The following ZBTB34 variants were observed in gnomAD, a reference collection of about 807,000 sequenced individuals.
ZBTB34 encodes zinc finger and BTB domain-containing protein 34.
Under a neutral mutation model 33.4 loss-of-function variants are expected in ZBTB34, and 1 was observed. The observed-to-expected ratio is 0.03, with a 90% CI of 0.01 to 0.14. ZBTB34 has a LOEUF of 0.14. Among genes scored for constraint, ZBTB34 ranks in the 10% least tolerant of loss-of-function variants. The pLI, the probability that ZBTB34 is intolerant of heterozygous loss-of-function variation, is 1.00. For synonymous variants in ZBTB34, 283 were observed against 253.5 expected (o/e 1.12, Z -1.11); for missense variants, 406 against 657.2 (o/e 0.62, Z 4.18).
Position 126,880,001 on chromosome 9 carries a change from A to G in ZBTB34, c.602A>G (p.Glu201Gly), listed in dbSNP as rs1374230469. ...GCTTTGCGCAGCCGCTTACAGGAGG[A>G]GGGGCACTCAGACCGCGGGAGCAGT... is the stretch of plus-strand genomic sequence containing the variant. The change falls in exon 2 of 2, where the codon GAG (glutamate) becomes GGG (glycine). Residue 201 changes from glutamate (E) to glycine (G), a missense_variant. Physicochemically the swap from Glu to Gly is moderately conservative, Grantham distance 98. Around this residue, in one of 6 missense-constraint regions of ZBTB34, gnomAD observed 137 missense variants for 173.0 expected, o/e 0.79. Coordinates refer to ENST00000319119, the Ensembl canonical transcript of ZBTB34. This position sits in a 1 kb window ranked among gnomAD's most constrained non-coding sequence, Gnocchi z 6.7. 1 of 1,613,516 alleles carries G rather than the reference A, an allele frequency of 6.2e-7. No individual in the cohort carries two copies. Among genetic ancestry groups the G allele is most frequent in the African/African-American group, 1.3e-5 (1 of 75,008 alleles).
At chr9:126,864,877 G>A (rs1210491302) in intron 1 of ZBTB34, among the ~76,000 whole-genome samples, 1 of 152,110 alleles carries the variant, frequency 6.6e-6, no homozygotes, top group Non-Finnish European at 1.5e-5. Context: ...TCTTTTTAAT[G>A]ACTTTGTATG....
intron 1 of ZBTB34, among the ~76,000 whole-genome samples, chr9:126,861,166 G>T (rs879514368): frequency 1.3e-5 from 2 of 152,128 alleles, no homozygotes; most frequent in Admixed American, 6.5e-5. Context: ...CTGGAGAGCC[G>T]GCCGGGCCAG....
intron 1 of ZBTB34, among the ~76,000 whole-genome samples, chr9:126,877,509 G>T (rs903492830): frequency 5.9e-5 from 9 of 152,106 alleles, no homozygotes; most frequent in Non-Finnish European, 1.3e-4. Context: ...GTTAGATCTG[G>T]TTTTGTTATG....
intron 1 of ZBTB34, among the ~76,000 whole-genome samples, chr9:126,872,499 A>T (rs2033294030): frequency 6.6e-6 from 1 of 152,202 alleles, no homozygotes; most frequent in Non-Finnish European, 1.5e-5. Flanking sequence ...AGCTTCAAGA[A>T]ACCAGTGAGT....
At chr9:126,867,700 A>G (rs1028005238) in intron 1 of ZBTB34, among the ~76,000 whole-genome samples, 5 of 149,252 alleles carry the variant, frequency 3.4e-5, no homozygotes, top group African/African-American at 1.2e-4. Context: ...GATTTATGTC[A>G]TGCTTGGAAA....
chr9:126,875,174 G>A (rs2033339411), intron 1 of ZBTB34, among the ~76,000 whole-genome samples: 1 of 152,178 alleles, frequency 6.6e-6, no homozygotes, highest in Admixed American at 6.6e-5. Flanking sequence ...CAGAGACTTA[G>A]TGTGAAAAGA....
Position 126,880,430 on chromosome 9 carries a change from G to A in ZBTB34, c.1031G>A (p.Gly344Asp). 1 of 1,613,498 alleles carries A rather than the reference G, an allele frequency of 6.2e-7. No individual in the cohort carries two copies. The highest frequency in any genetic ancestry group is 1.3e-5 in the African/African-American group (1 of 75,066). ...AGTGACCTGCAGGGCCTGGTGCAGG[G>A]CTCTGACAGTGAAGCCATGATGAAC... Residue 344 changes from glycine (G) to aspartate (D), a missense_variant, in exon 2 of 2, where the codon GGC (glycine) becomes GAC (aspartate). Physicochemically the swap from Gly to Asp is moderately conservative, Grantham distance 94. Transcript: ENST00000319119. The surrounding 1 kb of genome is among the most constrained non-coding windows in gnomAD (Gnocchi z 6.7).
rs767634981 is a variant in ZBTB34 at position 126,880,895 on chromosome 9, T to C, written c.1496T>C (p.Val499Ala). The change falls in exon 2 of 2, where the codon GTG becomes GCG. Residue 499 changes from valine (V) to alanine (A), a missense_variant. Coordinates refer to ENST00000319119, the Ensembl canonical transcript of ZBTB34. This position sits in a 1 kb window ranked among gnomAD's most constrained non-coding sequence, Gnocchi z 6.7. Reference sequence around the variant, plus strand: ...GATTCCCGGATGGAAATTCACACAGTGTCTGATGCTCCCGATTAAGATGGT... The same window carrying C: ...GATTCCCGGATGGAAATTCACACAGCGTCTGATGCTCCCGATTAAGATGGT... The C allele has an allele frequency of 1.9e-6, 3 of 1,610,080 alleles. No homozygotes were observed. The highest frequency in any genetic ancestry group is 1.7e-6 in the Non-Finnish European group (2 of 1,177,848).
In ZBTB34 at chr9:126,880,084, T is replaced by C. The variant is rs1244838422; in HGVS notation, c.685T>C (p.Leu229=). 2 of 1,613,666 alleles carry C rather than the reference T, an allele frequency of 1.2e-6. No homozygotes were observed. Among genetic ancestry groups the C allele is most frequent in the South Asian group, 1.1e-5 (1 of 91,076 alleles). Residue 229 remains leucine, a synonymous_variant, in exon 2 of 2, where the codon TTG becomes CTG. Transcript: ENST00000319119. This position sits in a 1 kb window ranked among gnomAD's most constrained non-coding sequence, Gnocchi z 6.7. ...GGGAGACCATGAGCAAGGAGACCTA[T>C]TGGTGAGGGAGAGCCAGATCACCGA...
intron 1 of ZBTB34, among the ~76,000 whole-genome samples, chr9:126,870,799 C>T (rs1376914210): frequency 6.6e-6 from 1 of 152,070 alleles, no homozygotes; most frequent in African/African-American, 2.4e-5. Flanking sequence ...TGGTGGCTTG[C>T]ACCTGTGGCC....
chr9:126,881,425 TTTA>T (rs1322503005), exon 2 of ZBTB34: 1 of 164,088 alleles, frequency 6.1e-6, no homozygotes, highest in Non-Finnish European at 1.5e-5. Flanking sequence ...CAAATTTGAT[TTTA>T]TTCTGGTTGA....
exon 2 of ZBTB34, chr9:126,885,281 G>C (rs1465716801): frequency 6.0e-6 from 1 of 167,084 alleles, no homozygotes; most frequent in East Asian, 1.9e-4. Context: ...TCTTGATCAA[G>C]TCCTGGAGTC....
chr9:126,865,294 T>A (rs900357442), intron 1 of ZBTB34, among the ~76,000 whole-genome samples: 6 of 152,196 alleles, frequency 3.9e-5, no homozygotes, highest in African/African-American at 1.4e-4. Context: ...ACCAGCTTGT[T>A]TTAGTTGACA....
intron 1 of ZBTB34, among the ~76,000 whole-genome samples, chr9:126,869,965 A>G (rs2033256869): frequency 6.6e-6 from 1 of 152,224 alleles, no homozygotes; most frequent in Non-Finnish European, 1.5e-5. Context: ...TATAGTTTTT[A>G]TAAACAAAAA....
At chr9:126,881,635 C>A (rs1048223942) in exon 2 of ZBTB34, 1 of 166,996 alleles carries the variant, frequency 6.0e-6, no homozygotes, top group Non-Finnish European at 1.5e-5. Flanking sequence ...ATAACAAATA[C>A]ATAAACCAAA....
intron 1 of ZBTB34, among the ~76,000 whole-genome samples, chr9:126,867,508 T>G (rs184581080): frequency 1.5e-3 from 233 of 151,612 alleles, no homozygotes; most frequent in Non-Finnish European, 2.8e-3. Context: ...GGGTTTTTTT[T>G]GTGTATGTCA....
Position 126,880,832 on chromosome 9 carries a change from A to G in ZBTB34, c.1433A>G (p.Lys478Arg), listed in dbSNP as rs1372038468. The G allele has an allele frequency of 1.2e-6, 2 of 1,613,562 alleles. No individual in the cohort carries two copies. Among genetic ancestry groups the G allele is most frequent in the African/African-American group, 2.7e-5 (2 of 74,904 alleles). ...AGAACAGATGTGTACGTGGAACAGA[A>G]ACTAGAAAATGACGCATCGGCCTCA... The change falls in exon 2 of 2, where the codon AAA (lysine) becomes AGA (arginine). Residue 478 changes from lysine to arginine, a missense_variant. Transcript: ENST00000319119. The surrounding 1 kb of genome is among the most constrained non-coding windows in gnomAD (Gnocchi z 6.7).
intron 1 of ZBTB34, among the ~76,000 whole-genome samples, chr9:126,868,521 C>T (rs970267413): frequency 1.3e-5 from 2 of 152,144 alleles, no homozygotes; most frequent in African/African-American, 2.4e-5. Context: ...TCTGGTTGCC[C>T]AGCCGGCCAT....
chr9:126,869,931 G>A lies in ZBTB34; in HGVS notation c.-11+9192G>A, dbSNP rs2033256420. The stretch of plus-strand genomic sequence containing the variant: ...TATCCATGTGTATTTTTTAAAAGAA[G>A]TATCTCACATTCTTTTTCCAGAGTA... On this transcript the variant is annotated intron_variant, in intron 1 of 1. Coordinates refer to ENST00000319119, the Ensembl canonical transcript of ZBTB34. Among the ~76,000 whole-genome samples, 6 of 152,254 alleles carry A rather than the reference G, an allele frequency of 3.9e-5. 1 individual carries two copies. In the South Asian group the frequency reaches 1.2e-3, roughly 32 times the overall value.
Sources: gnomAD v4.1 joint callset for allele counts (sites outside exome capture counted in the v4.1 genomes callset) on GRCh38, gnomAD v4.1.1 for gene constraint, gnomAD v4.1.1 regional missense constraint, Gnocchi (gnomAD v3.1) non-coding constraint, MANE v1.5 for transcripts, NCBI Gene and HGNC (gene_info 2026-07-23, HGNC 2026-07-21) for gene names.